The following PRKCE variants were observed in gnomAD, a reference collection of about 807,000 sequenced individuals.
PRKCE encodes protein kinase C epsilon, also known as protein kinase C epsilon type.
A neutral mutation model predicts 85.4 loss-of-function variants in PRKCE; 16 were observed. That is an observed-to-expected ratio of 0.19 (90% CI 0.13 to 0.28). The LOEUF (loss-of-function observed/expected upper bound fraction) is 0.28, where lower values mean the gene tolerates loss of function less well. Among genes scored for constraint, PRKCE ranks in the 10% least tolerant of loss-of-function variants. The pLI, the probability that PRKCE is intolerant of heterozygous loss-of-function variation, is 1.00. For missense variants in PRKCE, 573 were observed against 975.2 expected (o/e 0.59, Z 5.49); for synonymous variants, 388 against 371.5 (o/e 1.04, Z -0.51).
chr2:46,184,679 G>C lies in PRKCE; in HGVS notation c.2068-56G>C. 2 of 1,579,340 alleles carry C rather than the reference G, an allele frequency of 1.3e-6. No homozygotes were observed. The highest frequency in any genetic ancestry group is 1.7e-6 in the Non-Finnish European group (2 of 1,169,774). On this transcript the variant is annotated intron_variant, in intron 14 of 14. Transcript: ENST00000306156. This position sits in a 1 kb window ranked among gnomAD's most constrained non-coding sequence, Gnocchi z 5.0. ...CAGTGCGGTGCCCACTCCCCATGGG[G>C]GGCCCTCAGGAGGGAGAGCAGCCTC...
chr2:46,004,706 C>A lies in PRKCE; in HGVS notation c.1063+68C>A. 1.5e-6 allele frequency: 2 copies of A among 1,328,364 alleles called. No individual in the cohort carries two copies. The highest frequency in any genetic ancestry group is 2.1e-6 in the Non-Finnish European group (2 of 957,974). The allele number at this position is 1,328,364 out of a possible 1,614,324, so 82.3% of individuals were successfully genotyped here. ...TTGGATGGACCAAGGAGCTCTGAGG[C>A]CTCTTTAACCAAGAGTGAGCTTGTT... On this transcript the variant is annotated intron_variant, in intron 8 of 14. Transcript: ENST00000306156. The surrounding 1 kb of genome is among the most constrained non-coding windows in gnomAD (Gnocchi z 4.1).
chr2:46,005,863 T>C (rs1705147883), intron 8 of PRKCE, among the ~76,000 whole-genome samples: 1 of 152,222 alleles, frequency 6.6e-6, no homozygotes, highest in African/African-American at 2.4e-5. Flanking sequence ...GCTGCAGAAC[T>C]TGTAGCTATT....
At chr2:45,779,496 T>G (rs1686014598) in intron 1 of PRKCE, among the ~76,000 whole-genome samples, 2 of 152,034 alleles carry the variant, frequency 1.3e-5, no homozygotes, top group African/African-American at 4.8e-5. Flanking sequence ...AGAGCTAGGT[T>G]GAGAGCTCCA....
chr2:45,763,618 T>C (rs913802206), intron 1 of PRKCE, among the ~76,000 whole-genome samples: 2 of 152,128 alleles, frequency 1.3e-5, no homozygotes, highest in South Asian at 4.2e-4. Context: ...TAGGGCTTGA[T>C]TCTGCAATCT....
At chr2:46,089,603 C>CG (rs1199189414) in intron 11 of PRKCE, among the ~76,000 whole-genome samples, 2 of 152,178 alleles carry the variant, frequency 1.3e-5, no homozygotes, top group African/African-American at 4.8e-5. Flanking sequence ...GCCCTGGCCC[C>CG]GGGGCTGCTG....
intron 14 of PRKCE, among the ~76,000 whole-genome samples, chr2:46,172,684 T>G (rs1286644919): frequency 6.6e-6 from 1 of 152,204 alleles, no homozygotes; most frequent in Non-Finnish European, 1.5e-5. Flanking sequence ...ACAGTCTACA[T>G]CCGGGGGAGT....
chr2:46,137,911 C>A (rs1574570586), intron 11 of PRKCE, among the ~76,000 whole-genome samples: 1 of 152,326 alleles, frequency 6.6e-6, no homozygotes, highest in South Asian at 2.1e-4. Flanking sequence ...TTCTTCCCCA[C>A]CTTGCAGCAA....
At chr2:45,995,481 T>G (rs757777337) in intron 6 of PRKCE, among the ~76,000 whole-genome samples, 3 of 152,248 alleles carry the variant, frequency 2.0e-5, no homozygotes, top group Non-Finnish European at 4.4e-5. Flanking sequence ...TTCATAGTTT[T>G]GCCTTTTACA....
In PRKCE at chr2:46,004,086, AC is replaced by A; in HGVS notation, c.967-453del. ...TGATAACCACCTTGCTGGGGTAGAT[AC>A]CCACGTGGATAGTTGAACATTAGCC... On this transcript the variant is annotated intron_variant, in intron 7 of 14. Coordinates refer to ENST00000306156, the MANE Select transcript of PRKCE (RefSeq NM_005400.3). This position sits in a 1 kb window ranked among gnomAD's most constrained non-coding sequence, Gnocchi z 4.1. 4.4e-6 allele frequency: 1 copy of A among 225,842 alleles called. No homozygotes were observed. The highest frequency in any genetic ancestry group is 4.8e-5 in the Admixed American group (1 of 20,626). 14.0% of individuals were successfully genotyped at this position (225,842 alleles called of 1,614,324 possible).
intron 1 of PRKCE, among the ~76,000 whole-genome samples, chr2:45,699,536 G>A (rs574003523): frequency 2.4e-4 from 36 of 152,298 alleles, no homozygotes; most frequent in African/African-American, 8.4e-4. Context: ...TTGAGGGGCC[G>A]CTGGTGAAGG....
At chr2:45,944,115 A>G (rs556679383) in intron 2 of PRKCE, among the ~76,000 whole-genome samples, 1 of 152,342 alleles carries the variant, frequency 6.6e-6, no homozygotes, top group Non-Finnish European at 1.5e-5. Context: ...CATTCTATGC[A>G]TATTCTTGAC....
chr2:45,943,960 G>T (rs2104252025), intron 2 of PRKCE, among the ~76,000 whole-genome samples: 1 of 152,366 alleles, frequency 6.6e-6, no homozygotes, highest in South Asian at 2.1e-4. Context: ...TGGTTTTACA[G>T]TTTTGGAAAC....
chr2:45,784,362 GGAA>G (rs1163079349), intron 1 of PRKCE, among the ~76,000 whole-genome samples: 1 of 152,246 alleles, frequency 6.6e-6, no homozygotes, highest in African/African-American at 2.4e-5. Flanking sequence ...TGCCAAAAAA[GGAA>G]GAAGTGGGCT....
intron 1 of PRKCE, among the ~76,000 whole-genome samples, chr2:45,744,469 CTTT>C (rs1558623577): frequency 1.4e-3 from 69 of 50,748 alleles, no homozygotes; most frequent in African/African-American, 4.9e-3. Flanking sequence ...TTCTTTCTTT[CTTT>C]CTTTCTTTCT....
intron 14 of PRKCE, among the ~76,000 whole-genome samples, chr2:46,178,945 A>T (rs1002096637): frequency 1.3e-5 from 2 of 152,096 alleles, no homozygotes; most frequent in Non-Finnish European, 2.9e-5. Context: ...AAGTCATAAG[A>T]AGGAGCCTCA....
chr2:46,142,696 C>T (rs570549567), intron 11 of PRKCE, among the ~76,000 whole-genome samples: 22 of 152,330 alleles, frequency 1.4e-4, no homozygotes, highest in African/African-American at 5.3e-4. Flanking sequence ...GGGTGAGCAT[C>T]TGGGGCCAGT....
chr2:45,760,776 C>T (rs1282680799), intron 1 of PRKCE, among the ~76,000 whole-genome samples: 1 of 152,156 alleles, frequency 6.6e-6, no homozygotes, highest in Admixed American at 6.5e-5. Flanking sequence ...TGTGGGTGCC[C>T]TCCTGCCCCT....
intron 2 of PRKCE, among the ~76,000 whole-genome samples, chr2:45,888,465 CTTTTTTTTTTT>C (rs34871432): frequency 5.4e-5 from 4 of 74,762 alleles, no homozygotes; most frequent in East Asian, 1.0e-3. Context: ...TCCCAACAGT[CTTTTTTTTTTT>C]TTTTTTTTTT....
intron 2 of PRKCE, among the ~76,000 whole-genome samples, chr2:45,937,952 A>G (rs1699595758): frequency 2.0e-5 from 3 of 152,170 alleles, no homozygotes; most frequent in Non-Finnish European, 2.9e-5. Flanking sequence ...GCTGGACCCA[A>G]GGCCCATTCG....
Sources: allele counts gnomAD v4.1 joint callset (sites outside exome capture counted in the v4.1 genomes callset), GRCh38; gene constraint gnomAD v4.1.1; non-coding constraint Gnocchi (gnomAD v3.1); transcripts MANE v1.5; gene names NCBI Gene and HGNC (gene_info 2026-07-23, HGNC 2026-07-21).